MYADML2: variants seen among roughly 807,000 people sequenced by gnomAD.
The protein encoded by MYADML2 is myeloid associated differentiation marker like 2.
A neutral mutation model predicts 16.0 loss-of-function variants in MYADML2; 17 were observed. That is an observed-to-expected ratio of 1.06 (90% CI 0.73 to 1.60). The LOEUF is 1.60. MYADML2 is among the 40% of genes most tolerant of loss of function. MYADML2 has a pLI of 0.00. For synonymous variants in MYADML2, 210 were observed against 208.1 expected (o/e 1.01, Z -0.08); for missense variants, 422 against 437.7 (o/e 0.96, Z 0.32).
rs1168778466 is a variant in MYADML2, at chr17:81,942,166, C to A, written c.-103+130G>T. The stretch of plus-strand genomic sequence containing the variant: ...GGAGCAAAGAGCATGAGGGTCCCCA[C>A]GGGGTAACCCCAGCTCCAGCAGCCT... On this transcript the variant is annotated intron_variant, in intron 2 of 2. Transcript: ENST00000409745. The surrounding 1 kb of genome is among the most constrained non-coding windows in gnomAD (Gnocchi z 4.4). 1.2e-5 allele frequency: 2 copies of A among 160,140 alleles called. No individual in the cohort carries two copies. Among genetic ancestry groups the A allele is most frequent in the African/African-American group, 4.8e-5 (2 of 41,646 alleles). 9.9% of individuals were successfully genotyped at this position (160,140 alleles called of 1,614,324 possible).
intron 1 of MYADML2, among the ~76,000 whole-genome samples, chr17:81,945,807 C>T (rs887408476): frequency 6.6e-6 from 1 of 151,434 alleles, no homozygotes; most frequent in African/African-American, 2.4e-5. Context: ...GTTGAGGGTG[C>T]AGTGAACTGT....
rs2041295619 is a variant in MYADML2, at chr17:81,940,806, T to G, written c.*12A>C. 6.7e-7 allele frequency: 1 copy of G among 1,486,464 alleles called. No individual in the cohort carries two copies. Among genetic ancestry groups the G allele is most frequent in the Non-Finnish European group, 9.0e-7 (1 of 1,111,378 alleles). 92.1% of individuals were successfully genotyped at this position (1,486,464 alleles called of 1,614,324 possible). ...GGCCAGAGAGCAGAGGTGGGTGGGC[T>G]GCCACTGTGGGCTACAGGCTGGGCA... On this transcript the variant is annotated 3_prime_UTR_variant, in exon 3 of 3. Transcript: ENST00000409745.
Position 81,940,882 on chromosome 17 carries a change from T to C in MYADML2, c.860A>G (p.Asn287Ser), listed in dbSNP as rs889076589. 1 of 1,544,750 alleles carries C rather than the reference T, an allele frequency of 6.5e-7. No homozygotes were observed. The highest frequency in any genetic ancestry group is 8.8e-7 in the Non-Finnish European group (1 of 1,142,764). Residue 287 changes from asparagine (N) to serine (S), a missense_variant, in exon 3 of 3, where the codon AAC (asparagine) becomes AGC (serine). By Grantham distance (46) the Asn-to-Ser change is conservative. Transcript: ENST00000409745. Reference sequence around the variant, plus strand: ...GAGGTCAACGACGTACAGGAGCAGGTTGACGTAGGTGAAGATGGCCACCAC... The same window carrying C: ...GAGGTCAACGACGTACAGGAGCAGGCTGACGTAGGTGAAGATGGCCACCAC... ...QLVVAIFTYV[N>S]LLLYVVDLAY...
chr17:81,939,705 G>A lies in MYADML2; in HGVS notation c.*1113C>T, dbSNP rs562023625. 2 of 152,454 alleles carry A rather than the reference G, an allele frequency of 1.3e-5. No individual in the cohort carries two copies. Among genetic ancestry groups the A allele is most frequent in the South Asian group, 4.1e-4 (2 of 4,834 alleles). 9.4% of individuals were successfully genotyped at this position (152,454 alleles called of 1,614,324 possible). On this transcript the variant is annotated 3_prime_UTR_variant, in exon 3 of 3. Coordinates refer to ENST00000409745, the MANE Select transcript of MYADML2 (RefSeq NM_001145113.3). ...GACGTCAATGGGGCCCAGTCAATGGGCTGAGGGGCTGTTGTGCCACTGCCC... is the reference window on the plus strand; with the variant it reads ...GACGTCAATGGGGCCCAGTCAATGGACTGAGGGGCTGTTGTGCCACTGCCC...
intron 1 of MYADML2, among the ~76,000 whole-genome samples, chr17:81,945,360 A>G (rs1275174309): frequency 2.0e-5 from 3 of 152,174 alleles, no homozygotes; most frequent in Non-Finnish European, 2.9e-5. Context: ...TAACACAGTG[A>G]AACCCCATCT....
rs1009619011 is a variant in MYADML2 at position 81,941,155 on chromosome 17, C to A, written c.587G>T (p.Trp196Leu). Residue 196 changes from tryptophan to leucine, a missense_variant, in exon 3 of 3, where the codon TGG (tryptophan) becomes TTG (leucine). Transcript: ENST00000409745. ...GCACAGGCTGTAGACGGCCACGCAC[C>A]ACTGGGTGGCCACGTAGCGCCCGTA... Reference protein sequence around the residue: ...SRYGRYVATQWCVAVYSLCFL... With the variant: ...SRYGRYVATQLCVAVYSLCFL... The A allele has an allele frequency of 1.9e-6, 3 of 1,550,092 alleles. No individual in the cohort carries two copies. In the African/African-American group the frequency reaches 4.1e-5, roughly 21 times the overall value.
rs1399226091 is a variant in MYADML2, at chr17:81,941,259, G to A, written c.483C>T (p.Ala161=). The change falls in exon 3 of 3, where the codon GCC becomes GCT. Residue 161 remains alanine (A), a synonymous_variant. Transcript: ENST00000409745. ...ARPGQVSSYM[A]TVSGLLKIVQ... is the part of the protein sequence containing the mutation. Reference sequence around the variant, plus strand: ...CGATCTTGAGGAGCCCCGACACCGTGGCCATATAGCTGCTCACCTGGCCGG... The same window carrying A: ...CGATCTTGAGGAGCCCCGACACCGTAGCCATATAGCTGCTCACCTGGCCGG... 1 of 1,550,134 alleles carries A rather than the reference G, an allele frequency of 6.5e-7. No individual in the cohort carries two copies. Among genetic ancestry groups the A allele is most frequent in the South Asian group, 1.2e-5 (1 of 84,070 alleles).
chr17:81,940,630 T>C lies in MYADML2; in HGVS notation c.*188A>G. The C allele has an allele frequency of 1.6e-6, 1 of 630,806 alleles. No individual in the cohort carries two copies. The highest frequency in any genetic ancestry group is 2.7e-6 in the Non-Finnish European group (1 of 372,776). The allele number at this position is 630,806 out of a possible 1,614,324, so 39.1% of individuals were successfully genotyped here. A position where few individuals can be genotyped will look rare whatever the true frequency, so the allele number is the denominator to read the frequency against. ...CGTCTGCTCAGGGCCTCTGCCCTAC[T>C]GTCCTGCCCTTGTCCCTCTGAGCCC... On this transcript the variant is annotated 3_prime_UTR_variant, in exon 3 of 3. Coordinates refer to ENST00000409745, the MANE Select transcript of MYADML2 (RefSeq NM_001145113.3).
rs570168467 is a variant in MYADML2, at chr17:81,939,745, C to T, written c.*1073G>A. On this transcript the variant is annotated 3_prime_UTR_variant, in exon 3 of 3. Transcript: ENST00000409745. ...TGCCACTGCCCACCCGGCTTGGACT[C>T]AGGGGTGGCCAGTGGGTCAGCTCCT... The T allele has an allele frequency of 2.0e-5, 3 of 152,378 alleles. No homozygotes were observed. The highest frequency in any genetic ancestry group is 2.9e-5 in the Non-Finnish European group (2 of 68,054). 9.4% of individuals were successfully genotyped at this position (152,378 alleles called of 1,614,324 possible).
rs1006446238 is a variant in MYADML2, at chr17:81,939,749, G to A, written c.*1069C>T. The A allele has an allele frequency of 6.6e-6, 1 of 152,282 alleles. No individual in the cohort carries two copies. The highest frequency in any genetic ancestry group is 1.5e-5 in the Non-Finnish European group (1 of 68,068). 9.4% of individuals were successfully genotyped at this position (152,282 alleles called of 1,614,324 possible). On this transcript the variant is annotated 3_prime_UTR_variant, in exon 3 of 3. Coordinates refer to ENST00000409745, the MANE Select transcript of MYADML2 (RefSeq NM_001145113.3). The stretch of plus-strand genomic sequence containing the variant: ...ACTGCCCACCCGGCTTGGACTCAGG[G>A]GTGGCCAGTGGGTCAGCTCCTGGCT...
At chr17:81,946,443 T>C (rs1316246688) in intron 1 of MYADML2, among the ~76,000 whole-genome samples, 2 of 150,164 alleles carry the variant, frequency 1.3e-5, no homozygotes, top group Admixed American at 6.6e-5. Context: ...GGTCAGGAGA[T>C]CGAGACCATC....
chr17:81,946,423 C>T (rs561726767), intron 1 of MYADML2, among the ~76,000 whole-genome samples: 153 of 150,050 alleles, frequency 1.0e-3, no homozygotes, highest in East Asian at 2.0e-3. Flanking sequence ...CTGAGGCGGG[C>T]GGATCACAAG....
At chr17:81,946,247 T>C (rs1259458805) in intron 1 of MYADML2, among the ~76,000 whole-genome samples, 2 of 151,400 alleles carry the variant, frequency 1.3e-5, no homozygotes, top group Admixed American at 6.6e-5. Flanking sequence ...CCCAGCTACT[T>C]GGGAGGCTGA....
intron 1 of MYADML2, among the ~76,000 whole-genome samples, chr17:81,945,184 T>C (rs925274164): frequency 6.6e-6 from 1 of 151,692 alleles, no homozygotes; most frequent in Non-Finnish European, 1.5e-5. Flanking sequence ...GTAGATCATT[T>C]AAGGTCAGGG....
chr17:81,941,419 A>G lies in MYADML2; in HGVS notation c.323T>C (p.Leu108Pro), dbSNP rs1291197705. The change falls in exon 3 of 3, where the codon CTG becomes CCG. Residue 108 changes from leucine to proline, a missense_variant. Coordinates refer to ENST00000409745, the MANE Select transcript of MYADML2 (RefSeq NM_001145113.3). The stretch of plus-strand genomic sequence containing the variant: ...GGAACACTCCCGCCGGGCAAAGTAC[A>G]GCGGATACAGGACCGCAGCCGTCGC... ...LCATAAVLYP[L>P]YFARRECSPE... 3.2e-6 allele frequency: 5 copies of G among 1,549,314 alleles called. No individual in the cohort carries two copies. Among genetic ancestry groups the G allele is most frequent in the East Asian group, 2.4e-5 (1 of 40,904 alleles).
chr17:81,946,210 C>T (rs894042341), intron 1 of MYADML2, among the ~76,000 whole-genome samples: 2 of 151,140 alleles, frequency 1.3e-5, no homozygotes, highest in Admixed American at 6.6e-5. Context: ...CAAAAATTAG[C>T]CGGGCGTGGT....
At position 81,940,514 on chromosome 17, in the gene MYADML2, A is replaced by G; in HGVS notation, c.*304T>C. 1 of 354,534 alleles carries G rather than the reference A, an allele frequency of 2.8e-6. No homozygotes were observed. Among genetic ancestry groups the G allele is most frequent in the Non-Finnish European group, 5.1e-6 (1 of 194,692 alleles). The allele number at this position is 354,534 out of a possible 1,614,324, so 22.0% of individuals were successfully genotyped here. ...AGCTGCTTTAAAGTTTTCCCTTATGATGTTCCAGTGACCAGCACTGAGCCC... is the reference window on the plus strand; with the variant it reads ...AGCTGCTTTAAAGTTTTCCCTTATGGTGTTCCAGTGACCAGCACTGAGCCC... On this transcript the variant is annotated 3_prime_UTR_variant, in exon 3 of 3. Coordinates refer to ENST00000409745, the MANE Select transcript of MYADML2 (RefSeq NM_001145113.3).
In MYADML2 at chr17:81,941,222, C is replaced by T. The variant is rs556998774; in HGVS notation, c.520G>A (p.Val174Met). Residue 174 changes from valine to methionine, a missense_variant, in exon 3 of 3, where the codon GTG becomes ATG. By Grantham distance (21) the Val-to-Met change is conservative. Transcript: ENST00000409745. ...SGLLKIVQAF[V>M]ACIIFGALVH... ...AGCGCCCCGAAGATGATGCAGGCCA[C>T]GAAGGCCTGGACGATCTTGAGGAGC... The T allele has an allele frequency of 1.9e-5, 30 of 1,550,154 alleles. No individual in the cohort carries two copies. In the East Asian group the frequency reaches 2.4e-4, roughly 13 times the overall value.
intron 1 of MYADML2, among the ~76,000 whole-genome samples, chr17:81,945,026 G>A (rs1432064795): frequency 6.6e-6 from 1 of 152,180 alleles, no homozygotes; most frequent in Non-Finnish European, 1.5e-5. Context: ...AGCGCTTTGG[G>A]AGGCTGAGGC....
Sources: allele counts gnomAD v4.1 joint callset (sites outside exome capture counted in the v4.1 genomes callset), GRCh38; gene constraint gnomAD v4.1.1; non-coding constraint Gnocchi (gnomAD v3.1); transcripts MANE v1.5; gene names NCBI Gene and HGNC (gene_info 2026-07-23, HGNC 2026-07-21).